ATAD3B: variants seen among roughly 807,000 people sequenced by gnomAD.
ATAD3B encodes ATPase family AAA domain containing 3B, also known as ATPase family AAA domain-containing protein 3B.
Under a neutral mutation model 70.2 loss-of-function variants are expected in ATAD3B, and 59 were observed. The observed-to-expected ratio is 0.84, with a 90% CI of 0.68 to 1.04. The LOEUF is 1.04. Ranked by LOEUF, ATAD3B falls within the 50% of genes least tolerant of loss-of-function variation. The probability of loss-of-function intolerance (pLI) is 0.00; values close to 1 mark genes in which losing one functional copy is unlikely to be tolerated. For synonymous variants in ATAD3B, 423 were observed against 388.6 expected, an observed-to-expected ratio of 1.09 and a Z score of -1.04; for missense variants, 961 against 913.4, an observed-to-expected ratio of 1.05 and a Z score of -0.67.
intron 4 of ATAD3B, among the ~76,000 whole-genome samples, chr1:1,480,041 C>A (rs1325691831): frequency 6.8e-6 from 1 of 146,210 alleles, no homozygotes; most frequent in African/African-American, 2.6e-5. Flanking sequence ...AGGCACACAC[C>A]CCCTTGCACA....
chr1:1,471,930 G>C lies in ATAD3B; in HGVS notation c.46G>C (p.Ala16Pro). ...GVNKGPKGEG[A>P]GPPPPLPPAQ... ...TAACAAGGGCCCCAAGGGTGAAGGC[G>C]CGGGGCCGCCGCCGCCTTTGCCGCC... The change falls in exon 1 of 16, where the codon GCG becomes CCG. Residue 16 changes from alanine to proline, a missense_variant. By Grantham distance (27) the Ala-to-Pro change is conservative (BLOSUM62 -1). This residue lies in a region of ATAD3B where 187 missense variants were observed against 244.3 expected (regional missense o/e 0.77). Coordinates refer to ENST00000673477, the MANE Select transcript of ATAD3B (RefSeq NM_031921.6). 1 of 1,246,376 alleles carries C rather than the reference G, an allele frequency of 8.0e-7. No individual in the cohort carries two copies. 77.2% of individuals were successfully genotyped at this position (1,246,376 alleles called of 1,614,324 possible). A position where few individuals can be genotyped will look rare whatever the true frequency, so the allele number is the denominator to read the frequency against.
intron 15 of ATAD3B, among the ~76,000 whole-genome samples, chr1:1,494,499 A>T (rs536449202): frequency 6.7e-6 from 1 of 149,602 alleles, no homozygotes; most frequent in Non-Finnish European, 1.5e-5. Flanking sequence ...GGCTCTGGTC[A>T]GTGTCTCCTG....
At chr1:1,485,898 G>A in intron 9 of ATAD3B, 60 bp downstream of exon 9, 1 of 1,611,406 alleles carries the variant, frequency 6.2e-7, no homozygotes, top group Admixed American at 1.7e-5. Flanking sequence ...GCTGGGCTGG[G>A]CTGTGGCCCT....
chr1:1,508,581 C>T, the ATAD3B span, among the ~76,000 whole-genome samples: 1 of 151,450 alleles, frequency 6.6e-6, no homozygotes, highest in African/African-American at 2.5e-5. Context: ...CCTTTGGGGA[C>T]TCCATGCCCT....
the ATAD3B span, among the ~76,000 whole-genome samples, chr1:1,506,234 CA>C: frequency 1.3e-5 from 2 of 150,602 alleles, no homozygotes; most frequent in African/African-American, 4.9e-5. Context: ...GACTCCCTCG[CA>C]AAAAAATAAA....
downstream of ATAD3B, among the ~76,000 whole-genome samples, chr1:1,500,766 A>G (rs1467363978): frequency 6.6e-6 from 1 of 151,282 alleles, no homozygotes; most frequent in Non-Finnish European, 1.5e-5. Context: ...ATCCTGGCTA[A>G]CAGGGTGAAA....
At chr1:1,474,155 G>A (rs879070657) in intron 1 of ATAD3B, among the ~76,000 whole-genome samples, 3 of 151,848 alleles carry the variant, frequency 2.0e-5, no homozygotes, top group Admixed American at 2.0e-4. Context: ...GAGGAGAGGG[G>A]ACTGCAGGCT....
At chr1:1,495,457 C>T in intron 15 of ATAD3B, 28 bp from the exon 16 acceptor site, 1 of 1,570,552 alleles carries the variant, frequency 6.4e-7, no homozygotes. Context: ...CCATAGCGGC[C>T]TCCCTCAGCT....
chr1:1,480,108 C>A (rs1639829077), intron 4 of ATAD3B, among the ~76,000 whole-genome samples: 1 of 146,688 alleles, frequency 6.8e-6, no homozygotes, highest in Admixed American at 6.9e-5. Context: ...CGCAAACACA[C>A]ACACGGGCAC....
At position 1,479,396 on chromosome 1, in the gene ATAD3B, G is replaced by GCA. The variant is rs559593951; in HGVS notation, c.444+298_444+299dup. 1.3e-3 allele frequency among the ~76,000 whole-genome samples: 177 copies of GCA among 139,908 alleles called. 17 individuals are homozygous for GCA. The highest frequency in any genetic ancestry group is 4.4e-3 in the African/African-American group (162 of 36,918). The allele number at this position is 139,908 out of a possible 152,430, so 91.8% of individuals were successfully genotyped here. A position where few individuals can be genotyped will look rare whatever the true frequency, so the allele number is the denominator to read the frequency against. ...GGCACACACACCCCTGCACACATGG[G>GCA]CACACACACACCCCTGCACACACGG... On this transcript the variant is annotated intron_variant, in intron 4 of 15. Transcript: ENST00000673477.
chr1:1,477,393 G>C, intron 2 of ATAD3B, 43 bp downstream of exon 2: 1 of 1,610,870 alleles, frequency 6.2e-7, no homozygotes, highest in South Asian at 1.1e-5. Flanking sequence ...GGCGCACATG[G>C]GGTTCAGGCG....
At position 1,473,583 on chromosome 1, in the gene ATAD3B, A is replaced by T. The variant is rs565274302; in HGVS notation, c.205+1494A>T. 3.4e-5 allele frequency among the ~76,000 whole-genome samples: 5 copies of T among 147,786 alleles called. No individual in the cohort carries two copies. The South Asian group carries it at 1.1e-3, about 32-fold the overall frequency. On this transcript the variant is annotated intron_variant, in intron 1 of 15. Coordinates refer to ENST00000673477, the MANE Select transcript of ATAD3B (RefSeq NM_031921.6). ...CCATCTTGTCTCACTGCAAACCGCAACGCCCTGGTTCAAAGAATTCTGCTG... is the reference window on the plus strand; with the variant it reads ...CCATCTTGTCTCACTGCAAACCGCATCGCCCTGGTTCAAAGAATTCTGCTG...
chr1:1,501,767 A>G (rs1474871760), downstream of ATAD3B, among the ~76,000 whole-genome samples: 3 of 152,326 alleles, frequency 2.0e-5, no homozygotes, highest in South Asian at 2.1e-4. Flanking sequence ...ACTATCTTCA[A>G]ATAAGTGTCA....
At chr1:1,486,084 C>G (rs779084380) in intron 9 of ATAD3B, 26 bp from the exon 10 acceptor site, 1 of 1,612,764 alleles carries the variant, frequency 6.2e-7, no homozygotes, top group African/African-American at 1.3e-5. Flanking sequence ...AGAGTGTCTC[C>G]CCCAAACCCC....
At chr1:1,480,645 G>A (rs1369940783) in intron 4 of ATAD3B, among the ~76,000 whole-genome samples, 1 of 147,280 alleles carries the variant, frequency 6.8e-6, no homozygotes, top group Non-Finnish European at 1.5e-5. Flanking sequence ...AGTGGGGGCT[G>A]TTTCTGCCAC....
rs1209123104 is a variant in ATAD3B, at chr1:1,491,681, TTGAATGA to T, written c.1614+1011_1614+1017del. ...CTGGTCACTCGATCTAGCAGCGTAT[TTGAATGA>T]ATGAGTGACAGCTTAATGAAGTAGC... On this transcript the variant is annotated intron_variant, in intron 15 of 15. Coordinates refer to ENST00000673477, the MANE Select transcript of ATAD3B (RefSeq NM_031921.6). Among the ~76,000 whole-genome samples, 4 of 151,910 alleles carry T rather than the reference TTGAATGA, an allele frequency of 2.6e-5. 2 individuals carry two copies. The highest frequency in any genetic ancestry group is 5.9e-5 in the Non-Finnish European group (4 of 67,940).
At chr1:1,473,503 C>CTT (rs904291333) in intron 1 of ATAD3B, among the ~76,000 whole-genome samples, 6 of 142,372 alleles carry the variant, frequency 4.2e-5, no homozygotes, top group African/African-American at 1.5e-4. Flanking sequence ...CGCATGCCAC[C>CTT]TTTTTTTTTT....
At chr1:1,509,337 C>A in the ATAD3B span, 1 of 1,611,340 alleles carries the variant, frequency 6.2e-7, no homozygotes, top group African/African-American at 1.3e-5. Context: ...CGAGGACGAG[C>A]AACCCTCATC....
intron 2 of ATAD3B, chr1:1,478,329 T>C (rs113154934): frequency 1.7e-6 from 2 of 1,188,138 alleles, no homozygotes; most frequent in African/African-American, 1.5e-5. Flanking sequence ...GGGCACGAGC[T>C]CTGCCCTCAT....
Sources: gnomAD v4.1 joint callset for allele counts (sites outside exome capture counted in the v4.1 genomes callset) on GRCh38, gnomAD v4.1.1 for gene constraint, gnomAD v4.1.1 regional missense constraint, MANE v1.5 for transcripts, NCBI Gene and HGNC (gene_info 2026-07-23, HGNC 2026-07-21) for gene names.